Variants in KIN observed in about 807,000 individuals in gnomAD.
KIN encodes Kin17 DNA and RNA binding protein.
A neutral mutation model predicts 63.0 loss-of-function variants in KIN; 47 were observed. The ratio of observed to expected loss-of-function variants is 0.75; its 90% confidence interval spans 0.59 to 0.95. The LOEUF (loss-of-function observed/expected upper bound fraction) is 0.95. KIN is among the 40% of genes least tolerant of loss of function. The pLI is 0.00. For synonymous variants in KIN, 160 were observed against 157.7 expected (o/e 1.01, Z -0.11); for missense variants, 408 against 460.9 (o/e 0.89, Z 1.05).
chr10:7,764,766 C>T (rs1335360337), intron 9 of KIN, among the ~76,000 whole-genome samples: 1 of 152,206 alleles, frequency 6.6e-6, no homozygotes, highest in Non-Finnish European at 1.5e-5. Context: ...CTCATGGGTT[C>T]ACACTCTAGT....
At chr10:7,775,947 G>A (rs888348153) in intron 5 of KIN, 148 bp from the exon 6 acceptor site, 27 of 487,128 alleles carry the variant, frequency 5.5e-5, no homozygotes, top group South Asian at 4.8e-4. Context: ...ACATGCTTTC[G>A]GCCAGGCGCG....
At chr10:7,766,561 G>A (rs1835547198) in intron 8 of KIN, among the ~76,000 whole-genome samples, 1 of 151,960 alleles carries the variant, frequency 6.6e-6, no homozygotes, top group African/African-American at 2.4e-5. Flanking sequence ...ATGAATGAAA[G>A]GGAAGAAAAA....
chr10:7,783,477 A>G (rs1312151101), intron 1 of KIN, among the ~76,000 whole-genome samples: 1 of 152,202 alleles, frequency 6.6e-6, no homozygotes, highest in African/African-American at 2.4e-5. Flanking sequence ...CATTTTTTAG[A>G]CTTAAGTTAA....
intron 2 of KIN, among the ~76,000 whole-genome samples, chr10:7,780,744 A>G (rs929026183): frequency 2.6e-5 from 4 of 152,214 alleles, no homozygotes; most frequent in Admixed American, 6.5e-5. Context: ...AAACATCTAC[A>G]TGAATATGGC....
At chr10:7,760,468 TTTA>T (rs1194348698) in intron 11 of KIN, among the ~76,000 whole-genome samples, 5 of 152,222 alleles carry the variant, frequency 3.3e-5, no homozygotes, top group African/African-American at 1.2e-4. Context: ...TCACAGCAGT[TTTA>T]TTTTTAACAG....
chr10:7,774,936 C>T, intron 6 of KIN, 45 bp from the exon 7 acceptor site: 1 of 1,365,410 alleles, frequency 7.3e-7, no homozygotes, highest in Non-Finnish European at 1.0e-6. Context: ...TCAAGAAAAT[C>T]ATAATAAAAC....
chr10:7,786,694 A>G (rs1377497232), intron 1 of KIN, among the ~76,000 whole-genome samples: 2 of 152,132 alleles, frequency 1.3e-5, no homozygotes, highest in African/African-American at 2.4e-5. Flanking sequence ...GAGGACCCTC[A>G]CTAGAATCTG....
At chr10:7,766,417 G>A (rs544913031) in intron 8 of KIN, 3 of 262,994 alleles carry the variant, frequency 1.1e-5, no homozygotes, top group East Asian at 9.8e-5. Flanking sequence ...CCATGTGACT[G>A]TCAGGAGCTG....
Position 7,754,082 on chromosome 10 carries a change from C to T in KIN, c.*1998G>A. 2.2e-6 allele frequency: 1 copy of T among 456,034 alleles called. No homozygotes were observed. The highest frequency in any genetic ancestry group is 4.4e-6 in the Non-Finnish European group (1 of 226,788). The allele number at this position is 456,034 out of a possible 1,614,324, so 28.2% of individuals were successfully genotyped here. A position where few individuals can be genotyped will look rare whatever the true frequency, so the allele number is the denominator to read the frequency against. The stretch of plus-strand genomic sequence containing the variant: ...TGGTAGCTCACACCTGTAATCACAA[C>T]ATTTTAGAAGGCCGAGGCAGGAGGA... On this transcript the variant is annotated 3_prime_UTR_variant, in exon 13 of 13. Coordinates refer to ENST00000379562, the MANE Select transcript of KIN (RefSeq NM_012311.4).
chr10:7,777,924 G>A (rs1835814012), intron 5 of KIN, among the ~76,000 whole-genome samples: 1 of 151,244 alleles, frequency 6.6e-6, no homozygotes, highest in Non-Finnish European at 1.5e-5. Context: ...AAAAATGTAA[G>A]CCACAGGAGA....
intron 8 of KIN, among the ~76,000 whole-genome samples, chr10:7,766,727 C>T (rs189050087): frequency 2.0e-5 from 3 of 152,190 alleles, no homozygotes; most frequent in Admixed American, 6.5e-5. Flanking sequence ...TTGGTTGATT[C>T]GAAACCTAAT....
chr10:7,787,632 G>A (rs1006397436), intron 1 of KIN, among the ~76,000 whole-genome samples, 188 bp downstream of exon 1: 1 of 152,210 alleles, frequency 6.6e-6, no homozygotes, highest in Non-Finnish European at 1.5e-5. Context: ...TGCCCGCTGG[G>A]CCCGGGGGCT....
At chr10:7,765,791 G>A (rs1466539005) in intron 9 of KIN, among the ~76,000 whole-genome samples, 1 of 152,056 alleles carries the variant, frequency 6.6e-6, no homozygotes, top group East Asian at 1.9e-4. Flanking sequence ...AAAATTCCTG[G>A]CTCAAATTTA....
rs552888676 is a variant in KIN, at chr10:7,786,800, T to C, written c.114+1020A>G. 1.6e-4 allele frequency among the ~76,000 whole-genome samples: 25 copies of C among 152,316 alleles called. No homozygotes were observed. The South Asian group carries it at 3.7e-3, about 23-fold the overall frequency. ...ACCACCCAGTCTACTGCACTTTATA[T>C]GGCAGTCCAAGCAGACTAAGACATT... On this transcript the variant is annotated intron_variant, in intron 1 of 12. Transcript: ENST00000379562.
intron 11 of KIN, among the ~76,000 whole-genome samples, chr10:7,762,166 C>A (rs1835447006): frequency 6.6e-6 from 1 of 151,700 alleles, no homozygotes; most frequent in Non-Finnish European, 1.5e-5. Context: ...CAACCTATAA[C>A]CATAAGCCTA....
intron 1 of KIN, among the ~76,000 whole-genome samples, chr10:7,783,494 C>A (rs1048572897): frequency 3.3e-5 from 5 of 152,154 alleles, no homozygotes; most frequent in African/African-American, 1.2e-4. Flanking sequence ...TTAATCAATT[C>A]TCATTGAGCA....
At position 7,787,969 on chromosome 10, in the gene KIN, T is replaced by A. The variant is rs1305681025; in HGVS notation, c.-36A>T. Reference sequence around the variant, plus strand: ...GCAGCGATCACTTTCTGGACCCCAGTACTCAGCCAGCCGGAAACGGAACCG... The same window carrying A: ...GCAGCGATCACTTTCTGGACCCCAGAACTCAGCCAGCCGGAAACGGAACCG... On this transcript the variant is annotated 5_prime_UTR_variant, in exon 1 of 13. Transcript: ENST00000379562. 10 of 1,516,472 alleles carry A rather than the reference T, an allele frequency of 6.6e-6. No individual in the cohort carries two copies. The highest frequency in any genetic ancestry group is 4.5e-5 in the East Asian group (2 of 44,416). The allele number at this position is 1,516,472 out of a possible 1,614,324, so 93.9% of individuals were successfully genotyped here.
chr10:7,786,672 G>A (rs770346535), intron 1 of KIN, among the ~76,000 whole-genome samples: 2 of 151,886 alleles, frequency 1.3e-5, no homozygotes, highest in Non-Finnish European at 2.9e-5. Context: ...AGGCAGTTTC[G>A]CAAACCAAGA....
Position 7,753,807 on chromosome 10 carries a change from C to A in KIN, c.*2273G>T. 1 of 222,202 alleles carries A rather than the reference C, an allele frequency of 4.5e-6. No individual in the cohort carries two copies. Among genetic ancestry groups the A allele is most frequent in the Non-Finnish European group, 9.3e-6 (1 of 107,172 alleles). 13.8% of individuals were successfully genotyped at this position (222,202 alleles called of 1,614,324 possible). ...TCCCTGAGGAACATTTTCTGTAAAG[C>A]TTCTGCCATCATCCTATTAGTATTT... On this transcript the variant is annotated 3_prime_UTR_variant, in exon 13 of 13. Transcript: ENST00000379562.
Sources: gnomAD v4.1 joint callset for allele counts (sites outside exome capture counted in the v4.1 genomes callset) on GRCh38, gnomAD v4.1.1 for gene constraint, MANE v1.5 for transcripts, NCBI Gene and HGNC (gene_info 2026-07-23, HGNC 2026-07-21) for gene names.